Variants in RANBP2 observed in about 807,000 individuals in gnomAD.
RANBP2 encodes E3 SUMO-protein ligase RanBP2.
In RANBP2, 57 loss-of-function variants were observed where a neutral mutation model predicts 303.6. The ratio of observed to expected loss-of-function variants is 0.19; its 90% confidence interval spans 0.15 to 0.23. The LOEUF is 0.23. RANBP2 is among the 10% of genes least tolerant of loss of function. The probability of loss-of-function intolerance (pLI) is 1.00; values close to 1 mark genes in which losing one functional copy is unlikely to be tolerated. For synonymous variants in RANBP2, 1,167 were observed against 1,301.5 expected (o/e 0.90, Z 2.23); for missense variants, 3,138 against 3,780.8 (o/e 0.83, Z 4.46).
intron 4 of RANBP2, among the ~76,000 whole-genome samples, chr2:108,735,329 G>A (rs1695485712): frequency 1.3e-5 from 2 of 152,114 alleles, no homozygotes; most frequent in African/African-American, 2.4e-5. Context: ...AATCACAGAT[G>A]CTTTTCTTCA....
At chr2:108,938,397 T>G in the RANBP2 span, among the ~76,000 whole-genome samples, 1 of 152,232 alleles carries the variant, frequency 6.6e-6, no homozygotes, top group Non-Finnish European at 1.5e-5. Context: ...TACACAGAAC[T>G]GGGGCTGGCG....
chr2:109,432,535 A>T, the RANBP2 span: 8 of 1,613,552 alleles, frequency 5.0e-6, no homozygotes, highest in African/African-American at 5.3e-5. Context: ...GCCCCAGAAG[A>T]GTGACGAGCT....
chr2:108,748,992 A>G lies in RANBP2; in HGVS notation c.1136A>G (p.Lys379Arg), dbSNP rs765260146. The change falls in exon 9 of 29, where the codon AAA becomes AGA. Residue 379 changes from lysine (K) to arginine (R), a missense_variant. Lys to Arg is a conservative substitution (Grantham distance 26). Transcript: ENST00000283195. ...GAGATTGTTGAAACTTTTGCCAACA[A>G]AAGCGGGCAGTCTGCATTATATGAT... Reference protein sequence around the residue: ...LKEIVETFANKSGQSALYDAL... With the variant: ...LKEIVETFANRSGQSALYDAL... The G allele has an allele frequency of 1.9e-6, 3 of 1,612,024 alleles. No individual in the cohort carries two copies. The highest frequency in any genetic ancestry group is 2.2e-5 in the South Asian group (2 of 90,992).
At chr2:109,460,479 T>C in the RANBP2 span, among the ~76,000 whole-genome samples, 1 of 152,148 alleles carries the variant, frequency 6.6e-6, no homozygotes, top group Non-Finnish European at 1.5e-5. Context: ...GCTGAGCCCA[T>C]GCATCACCTC....
chr2:109,702,580 A>G, the RANBP2 span, among the ~76,000 whole-genome samples: 19 of 152,296 alleles, frequency 1.2e-4, 2 homozygotes, highest in East Asian at 3.3e-3. Flanking sequence ...CAAAGGGATA[A>G]CAAACCACCA....
the RANBP2 span, among the ~76,000 whole-genome samples, chr2:108,812,380 T>C: frequency 6.6e-6 from 1 of 152,198 alleles, no homozygotes; most frequent in Admixed American, 6.5e-5. Flanking sequence ...CACTAAAATA[T>C]ATGTATATGC....
chr2:109,086,390 A>C, the RANBP2 span, among the ~76,000 whole-genome samples: 1 of 152,184 alleles, frequency 6.6e-6, no homozygotes, highest in Non-Finnish European at 1.5e-5. Context: ...TGCTGTGTGA[A>C]GTCCTTTTCT....
At chr2:109,527,892 G>A in the RANBP2 span, among the ~76,000 whole-genome samples, 19 of 152,226 alleles carry the variant, frequency 1.2e-4, no homozygotes, top group Non-Finnish European at 2.2e-4. Context: ...TGGAAATAAC[G>A]ACTGAGGAGC....
chr2:109,694,890 A>G, the RANBP2 span, among the ~76,000 whole-genome samples: 989 of 150,794 alleles, frequency 6.6e-3, 8 homozygotes, highest in African/African-American at 0.022. Context: ...AAGACTTTTC[A>G]GTCCCACTCT....
chr2:109,075,283 G>A, the RANBP2 span, among the ~76,000 whole-genome samples: 1 of 150,310 alleles, frequency 6.7e-6, no homozygotes, highest in Non-Finnish European at 1.5e-5. Flanking sequence ...GGAGTGCAAT[G>A]GCACAATCTC....
chr2:108,917,299 T>C, the RANBP2 span, among the ~76,000 whole-genome samples: 120 of 152,158 alleles, frequency 7.9e-4, no homozygotes, highest in African/African-American at 2.8e-3. Flanking sequence ...GGTTAACAAA[T>C]ACAAAAGTCC....
the RANBP2 span, among the ~76,000 whole-genome samples, chr2:108,926,482 C>T: frequency 6.6e-6 from 1 of 152,218 alleles, no homozygotes; most frequent in Non-Finnish European, 1.5e-5. Flanking sequence ...GCCGCAGATT[C>T]CCAGATGTTC....
the RANBP2 span, among the ~76,000 whole-genome samples, chr2:109,297,507 C>T: frequency 6.2e-4 from 95 of 152,080 alleles, 1 homozygote; most frequent in African/African-American, 1.9e-3. Flanking sequence ...CCAGTGCCTC[C>T]GACCCAAGTC....
At chr2:109,183,351 T>C in the RANBP2 span, among the ~76,000 whole-genome samples, 3,155 of 152,292 alleles carry the variant, frequency 0.021, 104 homozygotes, top group African/African-American at 0.07. Context: ...GGTGAGAGTC[T>C]ACACAGGGAA....
At chr2:109,053,672 A>G in the RANBP2 span, among the ~76,000 whole-genome samples, 1 of 152,180 alleles carries the variant, frequency 6.6e-6, no homozygotes, top group African/African-American at 2.4e-5. Context: ...CTTGCTGCAT[A>G]TGAGTATGCT....
At chr2:109,567,050 T>C in the RANBP2 span, among the ~76,000 whole-genome samples, 23 of 152,206 alleles carry the variant, frequency 1.5e-4, 1 homozygote, top group African/African-American at 5.1e-4. Flanking sequence ...GGTACACTAA[T>C]ATAAAAGTGG....
At chr2:108,868,222 A>T in the RANBP2 span, among the ~76,000 whole-genome samples, 1 of 152,150 alleles carries the variant, frequency 6.6e-6, no homozygotes, top group Non-Finnish European at 1.5e-5. Flanking sequence ...TTCTTAAGTT[A>T]CTCGCGATAG....
chr2:109,731,054 C>T, the RANBP2 span, among the ~76,000 whole-genome samples: 1 of 152,066 alleles, frequency 6.6e-6, no homozygotes, highest in African/African-American at 2.4e-5. Flanking sequence ...TCCCAAATTG[C>T]TGGGATTACA....
the RANBP2 span, among the ~76,000 whole-genome samples, chr2:109,038,466 C>A: frequency 6.6e-6 from 1 of 151,994 alleles, no homozygotes. Context: ...AAACCCCATC[C>A]TGTCAAAAAT....
Sources: allele counts gnomAD v4.1 joint callset (sites outside exome capture counted in the v4.1 genomes callset), GRCh38; gene constraint gnomAD v4.1.1; transcripts MANE v1.5; gene names NCBI Gene and HGNC (gene_info 2026-07-23, HGNC 2026-07-21).